The following GABRA3 variants were observed in gnomAD, a reference collection of about 807,000 sequenced individuals.
GABRA3 encodes gamma-aminobutyric acid receptor subunit alpha-3.
GABRA3 carries 10 observed loss-of-function variants against 30.1 expected under a neutral mutation model. The observed-to-expected ratio is 0.33, with a 90% confidence interval of 0.20 to 0.56. The LOEUF (loss-of-function observed/expected upper bound fraction) is 0.56, where lower values mean the gene tolerates loss of function less well. Among genes scored for constraint, GABRA3 ranks in the 20% least tolerant of loss-of-function variants. The probability of loss-of-function intolerance (pLI) is 0.89; values close to 1 mark genes in which losing one functional copy is unlikely to be tolerated. For missense variants in GABRA3, 233 were observed against 392.0 expected (o/e 0.59, Z 3.42); for synonymous variants, 151 against 146.8 (o/e 1.03, Z -0.21).
intron 1 of GABRA3, among the ~76,000 whole-genome samples, chrX:152,387,339 T>C (rs1263323998): frequency 5.4e-5 from 6 of 111,662 alleles, no homozygotes; most frequent in Non-Finnish European, 1.1e-4. Flanking sequence ...ATTCCATTCA[T>C]ATAAAGTTCA....
rs980330214 is a variant in GABRA3, at chrX:152,177,810, C to T, written c.1144-9247G>A. Among the ~76,000 whole-genome samples, 3 of 111,436 alleles carry T rather than the reference C, an allele frequency of 2.7e-5. No individual in the cohort carries two copies. The South Asian group carries it at 1.1e-3, about 42-fold the overall frequency. On this transcript the variant is annotated intron_variant, in intron 9 of 9. Transcript: ENST00000370314. The stretch of plus-strand genomic sequence containing the variant: ...AATAAAGTGAACTGGTTGTAGAAAT[C>T]CTACATATGAAATGAACACGGAGAG...
At chrX:152,302,121 G>A (rs1032010728) in intron 3 of GABRA3, among the ~76,000 whole-genome samples, 5 of 110,763 alleles carry the variant, frequency 4.5e-5, no homozygotes, top group Non-Finnish European at 9.5e-5. Flanking sequence ...AAGGCAGAAA[G>A]GGGGAAAAGA....
At chrX:152,170,644 A>G (rs1936991604) in intron 9 of GABRA3, among the ~76,000 whole-genome samples, 1 of 111,668 alleles carries the variant, frequency 9.0e-6, no homozygotes, top group South Asian at 3.7e-4. Context: ...GTTGACAAGA[A>G]GTTTACTGTA....
chrX:152,366,693 G>C (rs1928670569), intron 1 of GABRA3, among the ~76,000 whole-genome samples: 1 of 112,513 alleles, frequency 8.9e-6, no homozygotes, highest in Admixed American at 9.4e-5. Context: ...ACACATCCAT[G>C]TGGCTGGAGG....
chrX:152,364,994 T>G lies in GABRA3; in HGVS notation c.-26-398A>C, dbSNP rs184086518. Among the ~76,000 whole-genome samples the G allele has an allele frequency of 2.0e-3, 224 of 111,679 alleles. 1 individual carries two copies. The highest frequency in any genetic ancestry group is 6.9e-3 in the African/African-American group (212 of 30,777). ...CTTATAATCTAAGATCTTAAAAATA[T>G]TCTCTCATGTCTTCATTTTATTTCC... On this transcript the variant is annotated intron_variant, in intron 1 of 9. Coordinates refer to ENST00000370314, the MANE Select transcript of GABRA3 (RefSeq NM_000808.4).
At chrX:152,226,956 T>C (rs1420458801) in intron 5 of GABRA3, among the ~76,000 whole-genome samples, 2 of 111,399 alleles carry the variant, frequency 1.8e-5, no homozygotes, top group East Asian at 2.9e-4. Context: ...AGTTCAACCA[T>C]TGTGGAAGTC....
intron 1 of GABRA3, among the ~76,000 whole-genome samples, chrX:152,387,287 T>TA (rs1482706775): frequency 3.6e-5 from 4 of 110,775 alleles, no homozygotes; most frequent in Non-Finnish European, 7.6e-5. Flanking sequence ...CCCTAAAACT[T>TA]AAAGTATAAT....
intron 1 of GABRA3, among the ~76,000 whole-genome samples, chrX:152,429,247 T>A (rs1157076087): frequency 9.1e-6 from 1 of 110,374 alleles, no homozygotes; most frequent in African/African-American, 3.3e-5. Context: ...TTAATCTACC[T>A]CCAATATACC....
chrX:152,222,781 T>C (rs960358843), intron 6 of GABRA3, among the ~76,000 whole-genome samples: 3 of 110,837 alleles, frequency 2.7e-5, no homozygotes, highest in African/African-American at 9.8e-5. Flanking sequence ...GTTATAGTTT[T>C]GACTAATCTA....
chrX:152,304,182 T>C (rs1209711967), intron 3 of GABRA3, among the ~76,000 whole-genome samples: 4 of 111,963 alleles, frequency 3.6e-5, no homozygotes, highest in Non-Finnish European at 7.5e-5. Flanking sequence ...TTAAGTTCCT[T>C]ATAGCATATG....
chrX:152,310,889 A>T (rs1466665788), intron 3 of GABRA3, among the ~76,000 whole-genome samples: 1 of 110,990 alleles, frequency 9.0e-6, no homozygotes, highest in Non-Finnish European at 1.9e-5. Context: ...ATTATCACTG[A>T]CTCCACAGAA....
In GABRA3 at chrX:152,177,566, GAAAA is replaced by G. The variant is rs72056570; in HGVS notation, c.1144-9007_1144-9004del. ...GCTGACTTACTGTCACTGTTTTTCT[GAAAA>G]AAAAAAAAAATACAAAAAACAAAAA... On this transcript the variant is annotated intron_variant, in intron 9 of 9. Transcript: ENST00000370314. 6.8e-3 allele frequency among the ~76,000 whole-genome samples: 653 copies of G among 95,614 alleles called. 18 individuals carry two copies. In the East Asian group the frequency reaches 0.069, roughly 10 times the overall value. The allele number at this position is 95,614 out of a possible 115,157, so 83.0% of individuals were successfully genotyped here.
At chrX:152,291,496 C>A in intron 3 of GABRA3, among the ~76,000 whole-genome samples, 1 of 111,400 alleles carries the variant, frequency 9.0e-6, no homozygotes, top group Non-Finnish European at 1.9e-5. Flanking sequence ...AATTGAATAC[C>A]CTTTATTTAT....
intron 5 of GABRA3, among the ~76,000 whole-genome samples, chrX:152,236,612 C>G (rs1938220418): frequency 9.4e-6 from 1 of 106,472 alleles, no homozygotes; most frequent in African/African-American, 3.4e-5. Context: ...GTCCCACCAA[C>G]AGTGTAAAAG....
chrX:152,448,974 T>G (rs913716206), intron 1 of GABRA3, among the ~76,000 whole-genome samples: 1 of 111,143 alleles, frequency 9.0e-6, no homozygotes. Flanking sequence ...GAAAACTCCG[T>G]AGGGTCAATT....
intron 3 of GABRA3, among the ~76,000 whole-genome samples, chrX:152,303,575 A>G (rs1373782264): frequency 8.9e-6 from 1 of 112,182 alleles, no homozygotes; most frequent in Non-Finnish European, 1.9e-5. Context: ...ATGCCCATCA[A>G]TGATAGACTG....
At chrX:152,236,673 T>C (rs1938222606) in intron 5 of GABRA3, among the ~76,000 whole-genome samples, 1 of 107,556 alleles carries the variant, frequency 9.3e-6, no homozygotes. Context: ...CCTGACTTTT[T>C]AATGATTGCC....
intron 2 of GABRA3, among the ~76,000 whole-genome samples, chrX:152,351,916 C>G (rs1252644718): frequency 1.8e-5 from 2 of 111,302 alleles, no homozygotes; most frequent in East Asian, 5.6e-4. Context: ...GGGAGAGAGA[C>G]AGGGGAATGG....
intron 9 of GABRA3, among the ~76,000 whole-genome samples, chrX:152,175,865 T>C (rs146180254): frequency 0.015 from 1,644 of 109,623 alleles, 34 homozygotes; most frequent in African/African-American, 0.051. Context: ...GAGATCGAGA[T>C]CATCCTGGCT....
Sources: allele counts gnomAD v4.1 joint callset (sites outside exome capture counted in the v4.1 genomes callset), GRCh38; gene constraint gnomAD v4.1.1; transcripts MANE v1.5; gene names NCBI Gene and HGNC (gene_info 2026-07-23, HGNC 2026-07-21).